ZNF398: variants seen among roughly 807,000 people sequenced by gnomAD.
ZNF398 encodes the protein zinc finger DNA binding protein ZER6.
Under a neutral mutation model 41.9 loss-of-function variants are expected in ZNF398, and 18 were observed. The observed-to-expected ratio is 0.43, with a 90% confidence interval of 0.30 to 0.64. ZNF398 has a LOEUF of 0.64. Among genes scored for constraint, ZNF398 ranks in the 30% least tolerant of loss-of-function variants. ZNF398 has a pLI of 0.14. For synonymous variants in ZNF398, 260 were observed against 308.8 expected, an observed-to-expected ratio of 0.84 and a Z score of 1.66; for missense variants, 669 against 822.8, an observed-to-expected ratio of 0.81 and a Z score of 2.29.
intron 2 of ZNF398, among the ~76,000 whole-genome samples, chr7:149,162,707 A>G (rs1007008455): frequency 1.3e-5 from 2 of 152,224 alleles, no homozygotes; most frequent in Admixed American, 6.5e-5. Context: ...ACAAGAGGCA[A>G]CAAATGAGTA....
At chr7:149,148,670 G>C (rs115259317) in intron 1 of ZNF398, among the ~76,000 whole-genome samples, 116 of 152,180 alleles carry the variant, frequency 7.6e-4, no homozygotes, top group African/African-American at 2.5e-3. Context: ...GGATGGTAGC[G>C]ATGATCCTGT....
At chr7:149,164,529 A>G (rs1795185545) in intron 2 of ZNF398, among the ~76,000 whole-genome samples, 1 of 152,240 alleles carries the variant, frequency 6.6e-6, no homozygotes, top group South Asian at 2.1e-4. Context: ...AGCAAGAGTG[A>G]GCTAGAAAGG....
chr7:149,178,548 A>T (rs1171006660), intron 5 of ZNF398, 100 bp from the exon 6 acceptor site: 4 of 996,700 alleles, frequency 4.0e-6, no homozygotes, highest in Non-Finnish European at 6.0e-6. Context: ...TGTATTTCTG[A>T]TCTGAGCTTC....
intron 2 of ZNF398, among the ~76,000 whole-genome samples, chr7:149,142,190 T>C (rs1826840136): frequency 6.6e-6 from 1 of 152,208 alleles, no homozygotes; most frequent in Non-Finnish European, 1.5e-5. Context: ...CAAGATCTTA[T>C]TCTAAATATT....
At position 149,147,715 on chromosome 7, in the gene ZNF398, C is replaced by T. The variant is rs1300015266; in HGVS notation, c.-28C>T. On this transcript the variant is annotated 5_prime_UTR_variant, in exon 1 of 6. Coordinates refer to ENST00000475153, the MANE Select transcript of ZNF398 (RefSeq NM_170686.3). The surrounding 1 kb of genome is among the most constrained non-coding windows in gnomAD (Gnocchi z 5.6). ...CAGCGGCGGCAGCGGCGGCGACTTC[C>T]GAGGCCCGGGCTAGACAGCGCAGGG... 3 of 1,294,974 alleles carry T rather than the reference C, an allele frequency of 2.3e-6. No individual in the cohort carries two copies. 80.2% of individuals were successfully genotyped at this position (1,294,974 alleles called of 1,614,324 possible).
At chr7:149,176,020 T>C (rs1795453900) in intron 4 of ZNF398, among the ~76,000 whole-genome samples, 1 of 152,118 alleles carries the variant, frequency 6.6e-6, no homozygotes, top group African/African-American at 2.4e-5. Flanking sequence ...TTCTGTGTTA[T>C]TGTTATAGTT....
upstream of ZNF398, among the ~76,000 whole-genome samples, chr7:149,145,703 ACTCCATTACC>A (rs1826923243): frequency 6.6e-6 from 1 of 151,986 alleles, no homozygotes; most frequent in African/African-American, 2.4e-5. Context: ...CAATCAGTCA[ACTCCATTACC>A]CTTACAAACT....
At chr7:149,132,365 T>C (rs1826614153) in intron 2 of ZNF398, among the ~76,000 whole-genome samples, 1 of 151,968 alleles carries the variant, frequency 6.6e-6, no homozygotes, top group Admixed American at 6.6e-5. Context: ...CTGCTAATTT[T>C]GTATTTTTAG....
intron 2 of ZNF398, among the ~76,000 whole-genome samples, chr7:149,162,620 GC>G (rs1254336373): frequency 1.3e-5 from 2 of 152,164 alleles, no homozygotes; most frequent in Non-Finnish European, 2.9e-5. Flanking sequence ...ATGAGCCAGT[GC>G]ACCTGGCCTG....
intron 1 of ZNF398, among the ~76,000 whole-genome samples, chr7:149,128,098 G>A (rs1271735865): frequency 6.6e-6 from 1 of 152,144 alleles, no homozygotes; most frequent in Non-Finnish European, 1.5e-5. Flanking sequence ...TTTATTCTGA[G>A]CCAAATATGA....
chr7:149,147,685 G>A lies in ZNF398; in HGVS notation c.-58G>A, dbSNP rs1305276846. ...GCCGGGCCTGCTTGGAGCCGGGCGC[G>A]GTGGCAGCGGCGGCAGCGGCGGCGA... On this transcript the variant is annotated 5_prime_UTR_variant, in exon 1 of 6. Transcript: ENST00000475153. The surrounding 1 kb of genome is among the most constrained non-coding windows in gnomAD (Gnocchi z 5.6). The A allele has an allele frequency of 3.1e-6, 4 of 1,275,192 alleles. No homozygotes were observed. Among genetic ancestry groups the A allele is most frequent in the Admixed American group, 8.5e-5 (2 of 23,642 alleles). 79.0% of individuals were successfully genotyped at this position (1,275,192 alleles called of 1,614,324 possible).
At chr7:149,156,226 G>A (rs1318464095) in intron 2 of ZNF398, among the ~76,000 whole-genome samples, 1 of 151,966 alleles carries the variant, frequency 6.6e-6, no homozygotes, top group Non-Finnish European at 1.5e-5. Context: ...TGATGGGAAG[G>A]CAGGGTGCAT....
At chr7:149,158,322 G>A (rs1034321163) in intron 2 of ZNF398, among the ~76,000 whole-genome samples, 11 of 152,134 alleles carry the variant, frequency 7.2e-5, no homozygotes, top group Admixed American at 7.2e-4. Context: ...GTGGACTGGT[G>A]GGATAGAAGA....
In ZNF398 at chr7:149,178,795, C is replaced by G; in HGVS notation, c.923C>G (p.Pro308Arg). ...AGCCAGCAGTCTACATCCATGACACCTTTTGGACGTCCAGCCACTGACCTG... is the reference window on the plus strand; with the variant it reads ...AGCCAGCAGTCTACATCCATGACACGTTTTGGACGTCCAGCCACTGACCTG... ...FKSQQSTSMTPFGRPATDLPE... is the reference protein window; with the variant it reads ...FKSQQSTSMTRFGRPATDLPE... Residue 308 changes from proline to arginine, a missense_variant, in exon 6 of 6, where the codon CCT (proline) becomes CGT (arginine). Around this residue, in one of 3 missense-constraint regions of ZNF398, gnomAD observed 290 missense variants for 292.9 expected, o/e 0.99. Transcript: ENST00000475153. 6.2e-7 allele frequency: 1 copy of G among 1,614,174 alleles called. No individual in the cohort carries two copies. Among genetic ancestry groups the G allele is most frequent in the Non-Finnish European group, 8.5e-7 (1 of 1,180,044 alleles).
chr7:149,176,394 A>G (rs1795461040), intron 4 of ZNF398, 74 bp from the exon 5 acceptor site: 2 of 1,037,932 alleles, frequency 1.9e-6, no homozygotes, highest in Non-Finnish European at 3.0e-6. Context: ...TATAGTGTTC[A>G]GCAAACCAAC....
Position 149,176,475 on chromosome 7 carries a change from T to A in ZNF398, c.669T>A (p.Gly223=), listed in dbSNP as rs766350148. Residue 223 remains glycine, a synonymous_variant, in exon 5 of 6, where the codon GGT becomes GGA. Transcript: ENST00000475153. ...EIPTDPSEEP[G]ISTSDILSWI... ...TTTCCTCCCACAAATTAGAGCCTGG[T>A]ATTTCAACATCAGATATTCTGTCTT... 6.2e-7 allele frequency: 1 copy of A among 1,613,406 alleles called. No individual in the cohort carries two copies.
At chr7:149,146,684 A>G (rs534203543), upstream of ZNF398, among the ~76,000 whole-genome samples, 113 of 151,802 alleles carry the variant, frequency 7.4e-4, no homozygotes, top group African/African-American at 2.4e-3. Context: ...CCCCGTCTCC[A>G]CTTAAAAAAA....
intron 2 of ZNF398, among the ~76,000 whole-genome samples, chr7:149,137,966 G>A (rs1048855675): frequency 1.3e-4 from 20 of 152,082 alleles, no homozygotes; most frequent in African/African-American, 2.9e-4. Flanking sequence ...TTGGAAGGCC[G>A]AGGCGGGCGG....
At chr7:149,129,501 T>A (rs1354387342) in intron 2 of ZNF398, among the ~76,000 whole-genome samples, 2 of 152,062 alleles carry the variant, frequency 1.3e-5, no homozygotes. Context: ...TGTTTCAGCC[T>A]CCCGAGTAGC....
Sources: allele counts gnomAD v4.1 joint callset (sites outside exome capture counted in the v4.1 genomes callset), GRCh38; gene constraint gnomAD v4.1.1; regional missense constraint gnomAD v4.1.1; non-coding constraint Gnocchi (gnomAD v3.1); transcripts MANE v1.5; gene names NCBI Gene and HGNC (gene_info 2026-07-23, HGNC 2026-07-21).